TTC28: variants seen among roughly 807,000 people sequenced by gnomAD.
TTC28 encodes the protein tetratricopeptide repeat protein 28.
A neutral mutation model predicts 198.0 loss-of-function variants in TTC28; 61 were observed. The ratio of observed to expected loss-of-function variants is 0.31; its 90% CI spans 0.25 to 0.38. The LOEUF (loss-of-function observed/expected upper bound fraction) is 0.38, where lower values mean the gene tolerates loss of function less well. Ranked by LOEUF, TTC28 falls within the 10% of genes least tolerant of loss-of-function variation. The pLI is 1.00. For synonymous variants in TTC28, 1,171 were observed against 1,297.8 expected (o/e 0.90, Z 2.10); for missense variants, 2,678 against 3,164.0 (o/e 0.85, Z 3.69).
intron 2 of TTC28, among the ~76,000 whole-genome samples, chr22:28,385,139 CAAAAA>C (rs695792): frequency 1.0e-5 from 1 of 99,542 alleles, no homozygotes; most frequent in African/African-American, 3.8e-5. Flanking sequence ...GAAACTCCGT[CAAAAA>C]AAAAAAAAAA....
intron 2 of TTC28, among the ~76,000 whole-genome samples, chr22:28,624,990 C>T (rs1340593373): frequency 6.6e-6 from 1 of 151,864 alleles, no homozygotes; most frequent in East Asian, 1.9e-4. Context: ...TAACAGCTAG[C>T]TAAAAAAATT....
chr22:28,263,225 T>C (rs1374401790), intron 5 of TTC28, among the ~76,000 whole-genome samples: 1 of 152,184 alleles, frequency 6.6e-6, no homozygotes, highest in East Asian at 1.9e-4. Context: ...CTATACATGA[T>C]GTAAATGTGT....
intron 12 of TTC28, among the ~76,000 whole-genome samples, chr22:28,066,071 C>T (rs1323443703): frequency 1.3e-5 from 2 of 152,156 alleles, no homozygotes; most frequent in African/African-American, 2.4e-5. Context: ...AGATACTCAA[C>T]AAGACTTTTA....
chr22:28,588,513 G>A (rs1344695541), intron 2 of TTC28, among the ~76,000 whole-genome samples: 2 of 152,132 alleles, frequency 1.3e-5, no homozygotes, highest in Non-Finnish European at 2.9e-5. Flanking sequence ...CAGAGAAATG[G>A]GAGAGGAGCA....
intron 2 of TTC28, among the ~76,000 whole-genome samples, chr22:28,357,312 C>CTTT (rs1391424764): frequency 4.5e-5 from 5 of 110,064 alleles, no homozygotes; most frequent in African/African-American, 1.8e-4. Context: ...TATCAAATTT[C>CTTT]TTATTTTTTT....
chr22:28,544,082 G>A (rs892993747), intron 2 of TTC28, among the ~76,000 whole-genome samples: 10 of 152,064 alleles, frequency 6.6e-5, no homozygotes, highest in Non-Finnish European at 1.3e-4. Context: ...TTAGCCAGGC[G>A]TGGTGGCGGG....
intron 10 of TTC28, among the ~76,000 whole-genome samples, chr22:28,098,545 CTATT>C (rs1942040023): frequency 6.6e-6 from 1 of 151,116 alleles, no homozygotes; most frequent in South Asian, 2.1e-4. Context: ...GACCTCATCT[CTATT>C]TAAACTTTTT....
chr22:28,275,092 T>C (rs948270441), intron 5 of TTC28, among the ~76,000 whole-genome samples: 3 of 152,106 alleles, frequency 2.0e-5, no homozygotes, highest in Admixed American at 6.5e-5. Flanking sequence ...AAGGAGCCTG[T>C]TTGTGATACA....
At chr22:28,236,250 T>C (rs1929239314) in intron 5 of TTC28, among the ~76,000 whole-genome samples, 1 of 152,220 alleles carries the variant, frequency 6.6e-6, no homozygotes, top group African/African-American at 2.4e-5. Context: ...GACTTTTGCA[T>C]TGATCCTCCA....
chr22:28,269,223 C>T (rs1931888811), intron 5 of TTC28, among the ~76,000 whole-genome samples: 1 of 152,052 alleles, frequency 6.6e-6, no homozygotes, highest in Non-Finnish European at 1.5e-5. Context: ...AACCATTACA[C>T]ACTGTTGGGT....
At chr22:28,635,314 C>G (rs962250142) in intron 1 of TTC28, among the ~76,000 whole-genome samples, 1 of 151,974 alleles carries the variant, frequency 6.6e-6, no homozygotes, top group Non-Finnish European at 1.5e-5. Flanking sequence ...GAGCAAGACT[C>G]CGTCTCAAAA....
intron 2 of TTC28, among the ~76,000 whole-genome samples, chr22:28,601,143 G>A (rs2050633373): frequency 1.3e-5 from 2 of 152,020 alleles, no homozygotes. Flanking sequence ...TAAAACTAAT[G>A]ATCACAATAA....
At chr22:28,460,552 A>G (rs1048988134) in intron 2 of TTC28, among the ~76,000 whole-genome samples, 5 of 151,828 alleles carry the variant, frequency 3.3e-5, no homozygotes, top group East Asian at 3.9e-4. Flanking sequence ...GTATATATAT[A>G]TATGTATGTA....
At chr22:28,414,578 T>G (rs1209932057) in intron 2 of TTC28, among the ~76,000 whole-genome samples, 2 of 152,020 alleles carry the variant, frequency 1.3e-5, no homozygotes, top group African/African-American at 4.8e-5. Context: ...ATGTAGATAA[T>G]GAGAAAAAAG....
At chr22:28,047,769 G>A (rs931106828) in intron 12 of TTC28, among the ~76,000 whole-genome samples, 27 of 152,138 alleles carry the variant, frequency 1.8e-4, no homozygotes, top group African/African-American at 6.3e-4. Flanking sequence ...ACAAACCCTG[G>A]CTGCTGCATA....
chr22:28,501,098 A>AT (rs752122939), intron 2 of TTC28, among the ~76,000 whole-genome samples: 8 of 152,182 alleles, frequency 5.3e-5, no homozygotes, highest in Non-Finnish European at 1.2e-4. Context: ...ACATCTGTAG[A>AT]GCACCTACTA....
intron 2 of TTC28, among the ~76,000 whole-genome samples, chr22:28,330,057 A>C (rs1024903034): frequency 1.3e-5 from 2 of 152,194 alleles, no homozygotes; most frequent in African/African-American, 4.8e-5. Context: ...ATTCCTATGA[A>C]ATTATGACAG....
rs2146486896 is a variant in TTC28, at chr22:27,980,888, C to T, written c.*1333G>A. The T allele has an allele frequency of 6.6e-6, 1 of 152,384 alleles. No individual in the cohort carries two copies. Among genetic ancestry groups the T allele is most frequent in the Admixed American group, 6.5e-5 (1 of 15,302 alleles). The allele number at this position is 152,384 out of a possible 1,614,324, so 9.4% of individuals were successfully genotyped here. A position where few individuals can be genotyped will look rare whatever the true frequency, so the allele number is the denominator to read the frequency against. On this transcript the variant is annotated 3_prime_UTR_variant, in exon 23 of 23. Transcript: ENST00000397906. Reference sequence around the variant, plus strand: ...TCAGAGCTGTAGGAGAAGTCCACCTCCACTTTTTAAGATACATCTCTCTCT... The same window carrying T: ...TCAGAGCTGTAGGAGAAGTCCACCTTCACTTTTTAAGATACATCTCTCTCT...
intron 5 of TTC28, among the ~76,000 whole-genome samples, chr22:28,210,510 G>A (rs968404466): frequency 7.9e-5 from 12 of 152,086 alleles, no homozygotes; most frequent in South Asian, 4.1e-4. Context: ...TTCAGCAGCC[G>A]ACTCAATCAA....
Sources: allele counts gnomAD v4.1 joint callset (sites outside exome capture counted in the v4.1 genomes callset), GRCh38; gene constraint gnomAD v4.1.1; transcripts MANE v1.5; gene names NCBI Gene and HGNC (gene_info 2026-07-23, HGNC 2026-07-21).